Variants in ZBED3 observed in about 807,000 individuals in gnomAD.
ZBED3 encodes the protein zinc finger BED-type containing 3, also known as zinc finger BED domain-containing protein 3.
For missense variants in ZBED3, 388 were observed against 362.9 expected, an observed-to-expected ratio of 1.07 and a Z score of -0.56; for synonymous variants, 175 against 180.0, an observed-to-expected ratio of 0.97 and a Z score of 0.22.
In ZBED3 at chr5:77,077,750, CGCCCCCAG is replaced by C. The variant is rs1157816239; in HGVS notation, c.121_128del (p.Leu41AlafsTer160). On this transcript the variant is annotated frameshift_variant, in exon 3 of 3. Transcript: ENST00000255198. LOFTEE classifies it low-confidence loss of function (END_TRUNC). ...AGTAGCCCCAGGCCTCGGAGTATGG[CGCCCCCAG>C]GCGGCCGGGAGGCGTCGGCGTCGGC... is the stretch of plus-strand genomic sequence containing the variant. 1.3e-5 allele frequency: 17 copies of C among 1,323,948 alleles called. No homozygotes were observed. The highest frequency in any genetic ancestry group is 1.6e-5 in the Non-Finnish European group (17 of 1,040,202). The allele number at this position is 1,323,948 out of a possible 1,614,324, so 82.0% of individuals were successfully genotyped here. A position where few individuals can be genotyped will look rare whatever the true frequency, so the allele number is the denominator to read the frequency against.
Position 77,075,986 on chromosome 5 carries a change from TATA to T in ZBED3, c.*1185_*1187del, listed in dbSNP as rs1742981394. 2 of 27,476 alleles carry T rather than the reference TATA, an allele frequency of 7.3e-5. 1 individual carries two copies. The highest frequency in any genetic ancestry group is 3.0e-4 in the African/African-American group (2 of 6,644). 1.7% of individuals were successfully genotyped at this position (27,476 alleles called of 1,614,324 possible). A position where few individuals can be genotyped will look rare whatever the true frequency, so the allele number is the denominator to read the frequency against. On this transcript the variant is annotated 3_prime_UTR_variant, in exon 3 of 3. Coordinates refer to ENST00000255198, the MANE Select transcript of ZBED3 (RefSeq NM_032367.4). ...ATATATGTATATGTATATATGTATA[TATA>T]TATGTATATATGTATATATATATGT...
rs1316841230 is a variant in ZBED3 at position 77,077,151 on chromosome 5, G to A, written c.*23C>T. ...GCATTGGACGGAGAAGCGCTGTCCTGGGGTGGGGAAGTGGCCACACCCCTA... is the reference window on the plus strand; with the variant it reads ...GCATTGGACGGAGAAGCGCTGTCCTAGGGTGGGGAAGTGGCCACACCCCTA... On this transcript the variant is annotated 3_prime_UTR_variant, in exon 3 of 3. Transcript: ENST00000255198. 2.8e-6 allele frequency: 4 copies of A among 1,410,312 alleles called. No homozygotes were observed. Among genetic ancestry groups the A allele is most frequent in the African/African-American group, 1.5e-5 (1 of 67,608 alleles). 87.4% of individuals were successfully genotyped at this position (1,410,312 alleles called of 1,614,324 possible). A position where few individuals can be genotyped will look rare whatever the true frequency, so the allele number is the denominator to read the frequency against.
chr5:77,077,395 G>A lies in ZBED3; in HGVS notation c.484C>T (p.Arg162Cys), dbSNP rs1309218640. ...GCCCTCCGCCTCCGCTCCAGGGCGC[G>A]CTCGCCCTGCTCCACGGCCAGCTCG... ...RRELAVEQGE[R>C]ALERRRRALQ... The change falls in exon 3 of 3, where the codon CGC becomes TGC. Residue 162 changes from arginine to cysteine, a missense_variant. Arg to Cys is a radical substitution (Grantham distance 180). Transcript: ENST00000255198. 2 of 1,249,000 alleles carry A rather than the reference G, an allele frequency of 1.6e-6. No individual in the cohort carries two copies. Among genetic ancestry groups the A allele is most frequent in the Non-Finnish European group, 2.0e-6 (2 of 996,444 alleles). The allele number at this position is 1,249,000 out of a possible 1,614,324, so 77.4% of individuals were successfully genotyped here.
chr5:77,082,546 T>G (rs1370835792), intron 1 of ZBED3, among the ~76,000 whole-genome samples: 5 of 152,178 alleles, frequency 3.3e-5, no homozygotes, highest in African/African-American at 1.2e-4. Context: ...CAAGGATATC[T>G]GGAGGAACTG....
chr5:77,077,765 GGGAGGC>G lies in ZBED3; in HGVS notation c.108_113del (p.Pro37_Pro38del). On this transcript the variant is annotated inframe_deletion, in exon 3 of 3. Transcript: ENST00000255198. ...CGGAGTATGGCGCCCCCAGGCGGCC[GGGAGGC>G]GTCGGCGTCGGCGCCGGCCCCAGTC... 7.6e-7 allele frequency: 1 copy of G among 1,315,334 alleles called. No individual in the cohort carries two copies. The highest frequency in any genetic ancestry group is 3.1e-5 in the East Asian group (1 of 32,122). The allele number at this position is 1,315,334 out of a possible 1,614,324, so 81.5% of individuals were successfully genotyped here. A position where few individuals can be genotyped will look rare whatever the true frequency, so the allele number is the denominator to read the frequency against.
chr5:77,080,905 C>T (rs1202541665), intron 1 of ZBED3, among the ~76,000 whole-genome samples: 1 of 152,158 alleles, frequency 6.6e-6, no homozygotes, highest in Non-Finnish European at 1.5e-5. Flanking sequence ...GCACGTTGTG[C>T]ACATGTACCC....
At chr5:77,084,632 C>T (rs185880151) in intron 1 of ZBED3, among the ~76,000 whole-genome samples, 2 of 152,162 alleles carry the variant, frequency 1.3e-5, no homozygotes, top group Admixed American at 6.5e-5. Context: ...CTCACTCCTT[C>T]GGGTGAATTC....
At position 77,078,327 on chromosome 5, in the gene ZBED3, G is replaced by T. The variant is rs76121145; in HGVS notation, c.-18+267C>A. On this transcript the variant is annotated intron_variant, in intron 2 of 2. Transcript: ENST00000255198. ...GGCTCCCTTATGCAGTCTTCTCTGG[G>T]TGCTGCACAGCACACTTGAGCAATG... is the stretch of plus-strand genomic sequence containing the variant. Among the ~76,000 whole-genome samples, 902 of 152,292 alleles carry T rather than the reference G, an allele frequency of 5.9e-3. 9 individuals carry two copies. The highest frequency in any genetic ancestry group is 0.02 in the African/African-American group (842 of 41,552).
rs1424061695 is a variant in ZBED3 at position 77,074,506 on chromosome 5, C to G, written c.*2668G>C. 6.6e-6 allele frequency: 1 copy of G among 152,108 alleles called. No homozygotes were observed. The highest frequency in any genetic ancestry group is 1.5e-5 in the Non-Finnish European group (1 of 68,030). The allele number at this position is 152,108 out of a possible 1,614,324, so 9.4% of individuals were successfully genotyped here. On this transcript the variant is annotated 3_prime_UTR_variant, in exon 3 of 3. Transcript: ENST00000255198. ...TATGACTTGAAGGTGATACTAACTC[C>G]CCTGAACCTGTCTCATCTACAAAAT...
At position 77,078,721 on chromosome 5, in the gene ZBED3, C is replaced by T. The variant is rs1743074606; in HGVS notation, c.-145G>A. On this transcript the variant is annotated 5_prime_UTR_variant, in exon 2 of 3. Coordinates refer to ENST00000255198, the MANE Select transcript of ZBED3 (RefSeq NM_032367.4). ...CGATTCCTGAGTTCTGAAGAACCAT[C>T]AGCAGTGCTAGGAGTAAATTCAGAG... 1 of 152,178 alleles carries T rather than the reference C, an allele frequency of 6.6e-6. No homozygotes were observed. The highest frequency in any genetic ancestry group is 1.5e-5 in the Non-Finnish European group (1 of 68,056). The allele number at this position is 152,178 out of a possible 1,614,324, so 9.4% of individuals were successfully genotyped here.
intron 2 of ZBED3, 111 bp from the exon 3 acceptor site, chr5:77,078,006 C>G: frequency 2.7e-6 from 2 of 748,964 alleles, no homozygotes; most frequent in South Asian, 1.4e-4. Flanking sequence ...CGATGAAAAG[C>G]CTATAGTGTG....
At chr5:77,077,940 C>G in intron 2 of ZBED3, 45 bp from the exon 3 acceptor site, 1 of 1,205,812 alleles carries the variant, frequency 8.3e-7, no homozygotes, top group South Asian at 4.0e-5. Context: ...GGATCACGCA[C>G]ACAGCTCCTA....
intron 1 of ZBED3, among the ~76,000 whole-genome samples, chr5:77,079,539 T>C (rs973916270): frequency 3.9e-5 from 6 of 152,234 alleles, no homozygotes; most frequent in Non-Finnish European, 5.9e-5. Flanking sequence ...CCACTCCGGA[T>C]CAGGTATGAC....
At chr5:77,082,420 G>T (rs1481643106) in intron 1 of ZBED3, among the ~76,000 whole-genome samples, 1 of 152,100 alleles carries the variant, frequency 6.6e-6, no homozygotes, top group Non-Finnish European at 1.5e-5. Context: ...CAAGAAACTG[G>T]AAGCAAGGGA....
At chr5:77,078,514 C>T (rs1295509200) in intron 2 of ZBED3, 80 bp downstream of exon 2, 2 of 152,150 alleles carry the variant, frequency 1.3e-5, no homozygotes, top group African/African-American at 4.8e-5. Context: ...ATGAGAAAAT[C>T]GGCAGTACTG....
rs1301270766 is a variant in ZBED3, at chr5:77,075,416, G to T, written c.*1758C>A. ...ATTCTGGAGACAATTGTTGAATACT[G>T]ATTAAGGGCTCTGTATTAGAGGCTA... On this transcript the variant is annotated 3_prime_UTR_variant, in exon 3 of 3. Coordinates refer to ENST00000255198, the MANE Select transcript of ZBED3 (RefSeq NM_032367.4). 1 of 152,164 alleles carries T rather than the reference G, an allele frequency of 6.6e-6. No individual in the cohort carries two copies. Among genetic ancestry groups the T allele is most frequent in the East Asian group, 1.9e-4 (1 of 5,192 alleles). 9.4% of individuals were successfully genotyped at this position (152,164 alleles called of 1,614,324 possible).
chr5:77,084,008 A>C (rs904476100), intron 1 of ZBED3, among the ~76,000 whole-genome samples: 35 of 152,154 alleles, frequency 2.3e-4, no homozygotes, highest in African/African-American at 7.0e-4. Flanking sequence ...TCCTTGAAAA[A>C]ATTTTTAAAC....
At position 77,077,289 on chromosome 5, in the gene ZBED3, C is replaced by T; in HGVS notation, c.590G>A (p.Arg197Gln). 1 of 1,371,478 alleles carries T rather than the reference C, an allele frequency of 7.3e-7. No homozygotes were observed. The highest frequency in any genetic ancestry group is 9.4e-7 in the Non-Finnish European group (1 of 1,065,246). The allele number at this position is 1,371,478 out of a possible 1,614,324, so 85.0% of individuals were successfully genotyped here. Residue 197 changes from arginine (R) to glutamine (Q), a missense_variant, in exon 3 of 3, where the codon CGG becomes CAG. Physicochemically the swap from Arg to Gln is conservative, Grantham distance 43. Coordinates refer to ENST00000255198, the MANE Select transcript of ZBED3 (RefSeq NM_032367.4). Reference sequence around the variant, plus strand: ...GGCGCCCTCACGGCGGCTCACATCCCGCAGCCGCGCCTGCAGCGCCTCCCG... The same window carrying T: ...GGCGCCCTCACGGCGGCTCACATCCTGCAGCCGCGCCTGCAGCGCCTCCCG... The part of the protein sequence containing the change: ...AEREALQARL[R>Q]DVSRREGALG...
In ZBED3 at chr5:77,076,055, A is replaced by G. The variant is rs1267470990; in HGVS notation, c.*1119T>C. 1 of 134,552 alleles carries G rather than the reference A, an allele frequency of 7.4e-6. No homozygotes were observed. The highest frequency in any genetic ancestry group is 1.6e-5 in the Non-Finnish European group (1 of 63,602). The allele number at this position is 134,552 out of a possible 1,614,324, so 8.3% of individuals were successfully genotyped here. A position where few individuals can be genotyped will look rare whatever the true frequency, so the allele number is the denominator to read the frequency against. ...TATGTATATATGTATATATATATAT[A>G]ATATATACACACATAAAGAAAAAAA... On this transcript the variant is annotated 3_prime_UTR_variant, in exon 3 of 3. Transcript: ENST00000255198.
Sources: gnomAD v4.1 joint callset for allele counts (sites outside exome capture counted in the v4.1 genomes callset) on GRCh38, gnomAD v4.1.1 for gene constraint, MANE v1.5 for transcripts, NCBI Gene and HGNC (gene_info 2026-07-23, HGNC 2026-07-21) for gene names.